Variants in DMD observed in about 807,000 individuals in gnomAD.
DMD encodes dystrophin.
Under a neutral mutation model 330.1 loss-of-function variants are expected in DMD, and 63 were observed. The observed-to-expected ratio is 0.19, with a 90% CI of 0.16 to 0.24. DMD has a LOEUF of 0.24. DMD is among the 10% of genes least tolerant of loss of function. The probability of loss-of-function intolerance (pLI) is 1.00; values close to 1 mark genes in which losing one functional copy is unlikely to be tolerated. For synonymous variants in DMD, 1,223 were observed against 959.8 expected (o/e 1.27, Z -5.07); for missense variants, 3,344 against 2,684.1 (o/e 1.25, Z -5.43).
chrX:33,293,391 G>T (rs1451506333), intron 1 of DMD, among the ~76,000 whole-genome samples: 1 of 111,323 alleles, frequency 9.0e-6, no homozygotes, highest in South Asian at 3.7e-4. Context: ...CAGGGACATT[G>T]GACAATTTAT....
chrX:32,466,761 A>T (rs2040070442), intron 23 of DMD, among the ~76,000 whole-genome samples: 1 of 111,485 alleles, frequency 9.0e-6, no homozygotes. Flanking sequence ...TGGGGACATG[A>T]GACAAGGAAT....
chrX:32,705,999 G>A (rs1227428717), intron 7 of DMD, among the ~76,000 whole-genome samples: 1 of 108,821 alleles, frequency 9.2e-6, no homozygotes, highest in East Asian at 3.0e-4. Flanking sequence ...ATGATAGACT[G>A]GATTAAGAAA....
At chrX:31,768,255 T>C in intron 51 of DMD, among the ~76,000 whole-genome samples, 1 of 111,383 alleles carries the variant, frequency 9.0e-6, no homozygotes, top group Middle Eastern at 4.6e-3. Flanking sequence ...TAAATTCTAT[T>C]TGTTGATAGC....
chrX:32,227,068 GGTGA>G (rs1366803534), intron 43 of DMD, among the ~76,000 whole-genome samples: 1 of 106,085 alleles, frequency 9.4e-6, no homozygotes, highest in Non-Finnish European at 1.9e-5. Context: ...ACTCTTTTAA[GGTGA>G]GTGTTTTAAA....
chrX:33,233,766 A>C (rs924063141), intron 1 of DMD, among the ~76,000 whole-genome samples: 3 of 111,591 alleles, frequency 2.7e-5, no homozygotes, highest in African/African-American at 6.5e-5. Context: ...CATGTGTAAA[A>C]ATTGCATTTA....
At chrX:32,256,663 T>C (rs1227840066) in intron 43 of DMD, among the ~76,000 whole-genome samples, 1 of 111,687 alleles carries the variant, frequency 9.0e-6, no homozygotes, top group Admixed American at 9.6e-5. Flanking sequence ...GTTTTTCCTT[T>C]CCATGTTTAG....
chrX:33,125,789 G>A (rs949437662), intron 1 of DMD, among the ~76,000 whole-genome samples: 10 of 111,792 alleles, frequency 8.9e-5, no homozygotes, highest in African/African-American at 2.9e-4. Flanking sequence ...CAAAAGGGGA[G>A]ACTTTGATGT....
At chrX:32,895,932 G>A (rs1009823428) in intron 2 of DMD, among the ~76,000 whole-genome samples, 5 of 110,376 alleles carry the variant, frequency 4.5e-5, no homozygotes, top group Admixed American at 3.9e-4. Context: ...TTGTTCATAA[G>A]AGAAAATACA....
intron 55 of DMD, among the ~76,000 whole-genome samples, chrX:31,521,042 T>G (rs1458491604): frequency 8.9e-6 from 1 of 111,959 alleles, no homozygotes; most frequent in East Asian, 2.8e-4. Context: ...GAGCAAGGTT[T>G]GGGAAGGCTT....
intron 44 of DMD, among the ~76,000 whole-genome samples, chrX:32,170,218 C>T (rs1189794481): frequency 9.1e-6 from 1 of 109,993 alleles, no homozygotes. Context: ...TGCCTGTAAT[C>T]CCAGCACTTT....
chrX:32,732,874 C>G (rs1254789686), intron 7 of DMD, among the ~76,000 whole-genome samples: 7 of 110,471 alleles, frequency 6.3e-5, no homozygotes, highest in Admixed American at 4.8e-4. Context: ...AAATCACCAG[C>G]TAACATCATA....
At chrX:32,925,349 A>G (rs2088904524) in intron 2 of DMD, among the ~76,000 whole-genome samples, 1 of 109,850 alleles carries the variant, frequency 9.1e-6, no homozygotes, top group African/African-American at 3.3e-5. Flanking sequence ...GAAGACTTCT[A>G]TTTTGAGTCT....
At chrX:32,282,347 G>A (rs145415292) in intron 43 of DMD, among the ~76,000 whole-genome samples, 2,310 of 111,502 alleles carry the variant, frequency 0.021, 63 homozygotes, top group African/African-American at 0.071. Context: ...TTTCCTATAG[G>A]TATATTTTAT....
chrX:32,593,682 C>T (rs760319928), intron 13 of DMD, among the ~76,000 whole-genome samples: 8 of 111,671 alleles, frequency 7.2e-5, no homozygotes, highest in Non-Finnish European at 1.3e-4. Context: ...AAGAACATAA[C>T]GAGTACTTGT....
chrX:32,267,862 C>T (rs773812324), intron 43 of DMD, among the ~76,000 whole-genome samples: 13 of 111,999 alleles, frequency 1.2e-4, no homozygotes, highest in Non-Finnish European at 2.4e-4. Flanking sequence ...ATGAATCACA[C>T]TTAAAAAACA....
intron 1 of DMD, among the ~76,000 whole-genome samples, chrX:33,089,101 T>C (rs1278275056): frequency 2.0e-5 from 2 of 100,421 alleles, no homozygotes; most frequent in Non-Finnish European, 4.0e-5. Flanking sequence ...AGTCTTGCTC[T>C]GTCACCCAGG....
chrX:31,251,978 T>C (rs1287737168), intron 63 of DMD, among the ~76,000 whole-genome samples: 1 of 112,445 alleles, frequency 8.9e-6, no homozygotes, highest in African/African-American at 3.2e-5. Flanking sequence ...AGTTTCCTTC[T>C]GAAATAAGCT....
intron 7 of DMD, among the ~76,000 whole-genome samples, chrX:32,714,907 A>G (rs776505016): frequency 3.0e-4 from 34 of 111,809 alleles, no homozygotes; most frequent in African/African-American, 1.1e-3. Context: ...ATAATGAAAG[A>G]AATTAACATA....
rs140031093 is a variant in DMD, at chrX:32,601,037, G to A, written c.1483-5161C>T. On this transcript the variant is annotated intron_variant, in intron 12 of 78. Transcript: ENST00000357033. ...GGATTTCTTGGGAAATGATGGGGTG[G>A]TAGGTAATTTATTTTTTTCACTCTT... is the stretch of plus-strand genomic sequence containing the variant. 9.9e-5 allele frequency among the ~76,000 whole-genome samples: 11 copies of A among 111,293 alleles called. No homozygotes were observed. The East Asian group carries it at 3.1e-3, about 32-fold the overall frequency.
Sources: allele counts gnomAD v4.1 joint callset (sites outside exome capture counted in the v4.1 genomes callset), GRCh38; gene constraint gnomAD v4.1.1; transcripts MANE v1.5; gene names NCBI Gene and HGNC (gene_info 2026-07-23, HGNC 2026-07-21).